The following CYB5RL variants were observed in gnomAD, a reference collection of about 807,000 sequenced individuals.
The protein encoded by CYB5RL is cytochrome b5 reductase like, also known as NADH-cytochrome b5 reductase-like.
Under a neutral mutation model 37.5 loss-of-function variants are expected in CYB5RL, and 38 were observed. The observed-to-expected ratio is 1.01, with a 90% CI of 0.78 to 1.33. CYB5RL has a LOEUF of 1.33. Ranked by LOEUF, CYB5RL falls within the 40% of genes most tolerant of loss-of-function variation. The pLI, the probability that CYB5RL is intolerant of heterozygous loss-of-function variation, is 0.00. For missense variants in CYB5RL, 388 were observed against 394.4 expected (o/e 0.98, Z 0.14); for synonymous variants, 141 against 151.9 (o/e 0.93, Z 0.53).
intron 4 of CYB5RL, among the ~76,000 whole-genome samples, chr1:54,190,214 T>A (rs1643938399): frequency 6.6e-6 from 1 of 152,190 alleles, no homozygotes; most frequent in Non-Finnish European, 1.5e-5. Flanking sequence ...AGAGGAGTGG[T>A]AAAGAGCGTA....
chr1:54,198,429 T>G (rs1299550745), intron 1 of CYB5RL, among the ~76,000 whole-genome samples: 1 of 148,566 alleles, frequency 6.7e-6, no homozygotes, highest in Non-Finnish European at 1.5e-5. Flanking sequence ...GCCTCCCGGG[T>G]TCACATCATT....
intron 5 of CYB5RL, chr1:54,186,221 TG>T (rs1466505181): frequency 1.8e-4 from 27 of 152,288 alleles, no homozygotes; most frequent in African/African-American, 6.3e-4. Context: ...TCCTTCCATT[TG>T]GATCATATTA....
intron 5 of CYB5RL, 86 bp downstream of exon 5, chr1:54,187,566 C>T: frequency 1.5e-6 from 2 of 1,338,720 alleles, no homozygotes; most frequent in Non-Finnish European, 2.1e-6. Flanking sequence ...CACTGAGTTT[C>T]CTTCCCACAT....
chr1:54,189,684 C>G (rs1388184258), intron 4 of CYB5RL, among the ~76,000 whole-genome samples: 1 of 152,160 alleles, frequency 6.6e-6, no homozygotes, highest in African/African-American at 2.4e-5. Context: ...GAGTTCTGAG[C>G]ATTCTGGTTC....
chr1:54,185,097 G>GAATC (rs962618065), intron 5 of CYB5RL: 1 of 152,236 alleles, frequency 6.6e-6, no homozygotes, highest in Non-Finnish European at 1.5e-5. Flanking sequence ...CTGAATGAAT[G>GAATC]AATCAATCAA....
At chr1:54,195,128 T>C (rs945486903) in intron 3 of CYB5RL, among the ~76,000 whole-genome samples, 1 of 152,214 alleles carries the variant, frequency 6.6e-6, no homozygotes, top group African/African-American at 2.4e-5. Flanking sequence ...TAATAGGTAC[T>C]CAATAAATAT....
chr1:54,176,523 C>A (rs913589305), intron 7 of CYB5RL, among the ~76,000 whole-genome samples: 1 of 152,216 alleles, frequency 6.6e-6, no homozygotes, highest in Non-Finnish European at 1.5e-5. Flanking sequence ...CAGAGTGACA[C>A]CCTGTCTCAA....
At chr1:54,175,834 C>A (rs1435874442) in intron 7 of CYB5RL, among the ~76,000 whole-genome samples, 3 of 152,074 alleles carry the variant, frequency 2.0e-5, no homozygotes, top group Non-Finnish European at 2.9e-5. Context: ...CATGCAAATA[C>A]CACACCATTT....
At chr1:54,184,072 G>A in intron 6 of CYB5RL, 89 bp downstream of exon 6, 1 of 1,148,828 alleles carries the variant, frequency 8.7e-7, no homozygotes, top group Non-Finnish European at 1.3e-6. Flanking sequence ...TTGAGCTCAA[G>A]GAGAATGGCA....
rs561084811 is a variant in CYB5RL at position 54,187,901 on chromosome 1, C to T, written c.348-162G>A. On this transcript the variant is annotated intron_variant, in intron 4 of 7. Coordinates refer to ENST00000534324, the MANE Select transcript of CYB5RL (RefSeq NM_001031672.4). ...GACCAGCCTGGACAACATAGTGAAA[C>T]CCGTCACTACTAAAAGTACAAAAAT... The T allele has an allele frequency of 3.5e-5, 21 of 596,960 alleles. No homozygotes were observed. The South Asian group carries it at 4.0e-4, about 11-fold the overall frequency. The allele number at this position is 596,960 out of a possible 1,614,324, so 37.0% of individuals were successfully genotyped here.
intron 1 of CYB5RL, among the ~76,000 whole-genome samples, chr1:54,197,013 G>C (rs12562306): frequency 2.6e-5 from 4 of 151,928 alleles, no homozygotes; most frequent in Admixed American, 1.3e-4. Flanking sequence ...CCAACCCCTC[G>C]GATCTGGCTT....
chr1:54,189,505 G>C lies in CYB5RL; in HGVS notation c.347+1243C>G, dbSNP rs554653287. 2.6e-5 allele frequency among the ~76,000 whole-genome samples: 4 copies of C among 152,282 alleles called. 1 individual carries two copies. The highest frequency in any genetic ancestry group is 9.6e-5 in the African/African-American group (4 of 41,548). The stretch of plus-strand genomic sequence containing the variant: ...AGAACATGGTGGGAAAGCAAGCTGG[G>C]GCCTTGGGTTAGGACATCATTACGG... On this transcript the variant is annotated intron_variant, in intron 4 of 7. Coordinates refer to ENST00000534324, the MANE Select transcript of CYB5RL (RefSeq NM_001031672.4).
rs181141391 is a variant in CYB5RL, at chr1:54,174,281, C to T, written c.*338G>A. ...AATCGGAGGGGCCAGGGAAGCTCCTCCCGACTCTTCCCCTGCCCAACTCCT... is the reference window on the plus strand; with the variant it reads ...AATCGGAGGGGCCAGGGAAGCTCCTTCCGACTCTTCCCCTGCCCAACTCCT... On this transcript the variant is annotated 3_prime_UTR_variant, in exon 8 of 8. Transcript: ENST00000534324. 2.1e-3 allele frequency: 727 copies of T among 346,212 alleles called. 3 individuals carry two copies. Among genetic ancestry groups the T allele is most frequent in the African/African-American group, 0.014 (680 of 47,762 alleles). 21.4% of individuals were successfully genotyped at this position (346,212 alleles called of 1,614,324 possible). A position where few individuals can be genotyped will look rare whatever the true frequency, so the allele number is the denominator to read the frequency against.
At chr1:54,182,487 T>C (rs1242640689) in intron 6 of CYB5RL, among the ~76,000 whole-genome samples, 1 of 152,020 alleles carries the variant, frequency 6.6e-6, no homozygotes, top group African/African-American at 2.4e-5. Context: ...TTTTTTTGTC[T>C]CTTTCCATCT....
chr1:54,198,403 G>A (rs1644034731), intron 1 of CYB5RL, among the ~76,000 whole-genome samples: 1 of 150,748 alleles, frequency 6.6e-6, no homozygotes, highest in Non-Finnish European at 1.5e-5. Context: ...CGCAATCTCA[G>A]CTCACTGCCA....
chr1:54,169,767 T>G lies in CYB5RL; in HGVS notation c.*4852A>C, dbSNP rs527608815. 2.0e-5 allele frequency: 3 copies of G among 152,196 alleles called. No individual in the cohort carries two copies. In the South Asian group the frequency reaches 6.2e-4, roughly 31 times the overall value. The allele number at this position is 152,196 out of a possible 1,614,324, so 9.4% of individuals were successfully genotyped here. ...TTTACCAGGGGTTCATATTTTGTCA[T>G]GTTTATGTCAAGTATTTTTATAGTA... On this transcript the variant is annotated 3_prime_UTR_variant, in exon 8 of 8. Coordinates refer to ENST00000534324, the MANE Select transcript of CYB5RL (RefSeq NM_001031672.4).
At position 54,174,276 on chromosome 1, in the gene CYB5RL, C is replaced by G; in HGVS notation, c.*343G>C. The stretch of plus-strand genomic sequence containing the variant: ...CCTCTAATCGGAGGGGCCAGGGAAG[C>G]TCCTCCCGACTCTTCCCCTGCCCAA... On this transcript the variant is annotated 3_prime_UTR_variant, in exon 8 of 8. Coordinates refer to ENST00000534324, the MANE Select transcript of CYB5RL (RefSeq NM_001031672.4). 1 of 332,344 alleles carries G rather than the reference C, an allele frequency of 3.0e-6. No individual in the cohort carries two copies. 20.6% of individuals were successfully genotyped at this position (332,344 alleles called of 1,614,324 possible).
rs572232623 is a variant in CYB5RL, at chr1:54,184,147, G to T, written c.540+14C>A. The T allele has an allele frequency of 2.7e-5, 44 of 1,608,526 alleles. No individual in the cohort carries two copies. The highest frequency in any genetic ancestry group is 3.3e-5 in the Non-Finnish European group (39 of 1,177,280). ...AACAGGGATCTCCTGAAGATTTAAG[G>T]TGCTGGCACTGACCTGGTTTGGTTT... On this transcript the variant is annotated intron_variant, in intron 6 of 7. Transcript: ENST00000534324.
intron 6 of CYB5RL, chr1:54,180,233 T>G: frequency 4.4e-6 from 1 of 226,582 alleles, no homozygotes; most frequent in Admixed American, 6.7e-5. Context: ...CAAGATTCCA[T>G]CTAAAAAAAA....
Sources: gnomAD v4.1 joint callset for allele counts (sites outside exome capture counted in the v4.1 genomes callset) on GRCh38, gnomAD v4.1.1 for gene constraint, MANE v1.5 for transcripts, NCBI Gene and HGNC (gene_info 2026-07-23, HGNC 2026-07-21) for gene names.